ELMO1: variants seen among roughly 807,000 people sequenced by gnomAD.
ELMO1 encodes the protein engulfment and cell motility 1.
Under a neutral mutation model 98.9 loss-of-function variants are expected in ELMO1, and 26 were observed. The ratio of observed to expected loss-of-function variants is 0.26; its 90% CI spans 0.19 to 0.36. The LOEUF is 0.36. Ranked by LOEUF, ELMO1 falls within the 10% of genes least tolerant of loss-of-function variation. The pLI is 1.00. For missense variants in ELMO1, 627 were observed against 935.2 expected (o/e 0.67, Z 4.30); for synonymous variants, 346 against 346.0 (o/e 1.00, Z 0.00).
chr7:36,927,112 A>G (rs1362233842), intron 16 of ELMO1, among the ~76,000 whole-genome samples: 2 of 152,192 alleles, frequency 1.3e-5, no homozygotes, highest in East Asian at 3.9e-4. Flanking sequence ...GGTTTCATTC[A>G]TTGAATTGTC....
chr7:37,250,809 A>G (rs921357842), intron 6 of ELMO1, among the ~76,000 whole-genome samples: 3 of 151,784 alleles, frequency 2.0e-5, no homozygotes, highest in Non-Finnish European at 2.9e-5. Flanking sequence ...AAAAAAAAAA[A>G]AACCAGAAAC....
chr7:37,078,224 T>G lies in ELMO1; in HGVS notation c.1300+18395A>C, dbSNP rs558386921. Among the ~76,000 whole-genome samples the G allele has an allele frequency of 8.5e-5, 13 of 152,302 alleles. No homozygotes were observed. The East Asian group carries it at 2.5e-3, about 29-fold the overall frequency. ...TAATGCAGTCATAAAATGTTAAGTTTTAATACTGTTTTATGAAGGAAGGGA... is the reference window on the plus strand; with the variant it reads ...TAATGCAGTCATAAAATGTTAAGTTGTAATACTGTTTTATGAAGGAAGGGA... On this transcript the variant is annotated intron_variant, in intron 15 of 21. Transcript: ENST00000310758.
intron 16 of ELMO1, among the ~76,000 whole-genome samples, chr7:36,919,800 C>T (rs1784999765): frequency 6.6e-6 from 1 of 152,182 alleles, no homozygotes; most frequent in Admixed American, 6.5e-5. Flanking sequence ...GGGAGCCCTT[C>T]CTGAACCCTA....
intron 14 of ELMO1, among the ~76,000 whole-genome samples, chr7:37,110,748 T>A (rs1785207875): frequency 6.6e-6 from 1 of 152,128 alleles, no homozygotes; most frequent in Admixed American, 6.5e-5. Context: ...AAAGGGGCTA[T>A]GGGGCCCCCC....
chr7:37,028,937 C>T (rs898468893), intron 15 of ELMO1, among the ~76,000 whole-genome samples: 5 of 152,256 alleles, frequency 3.3e-5, no homozygotes, highest in African/African-American at 7.2e-5. Context: ...TATATAACAG[C>T]CACTGTTCTC....
intron 2 of ELMO1, among the ~76,000 whole-genome samples, chr7:37,331,355 T>TTTTTTTTC (rs1479168474): frequency 4.7e-5 from 5 of 105,684 alleles, no homozygotes; most frequent in African/African-American, 1.8e-4. Context: ...TTTTTTTTTT[T>TTTTTTTTC]GGAATTTTAG....
intron 4 of ELMO1, among the ~76,000 whole-genome samples, chr7:37,298,454 T>C (rs77191659): frequency 5.3e-5 from 7 of 131,666 alleles, no homozygotes; most frequent in Admixed American, 1.5e-4. Flanking sequence ...CCCTCCTCCC[T>C]CCCCCGACCC....
At chr7:36,908,630 A>G (rs1458582780) in intron 16 of ELMO1, among the ~76,000 whole-genome samples, 1 of 152,246 alleles carries the variant, frequency 6.6e-6, no homozygotes, top group African/African-American at 2.4e-5. Context: ...CCGGCTTCAA[A>G]AATAAATAAA....
At chr7:37,293,912 T>G (rs1179745210) in intron 4 of ELMO1, among the ~76,000 whole-genome samples, 1 of 151,940 alleles carries the variant, frequency 6.6e-6, no homozygotes, top group African/African-American at 2.4e-5. Flanking sequence ...TTCTTTCATA[T>G]ATATAAAATT....
intron 16 of ELMO1, among the ~76,000 whole-genome samples, chr7:36,919,880 G>A (rs1175365457): frequency 6.6e-6 from 1 of 152,150 alleles, no homozygotes; most frequent in Non-Finnish European, 1.5e-5. Flanking sequence ...ATTCATTTAA[G>A]GAACGAATCA....
intron 15 of ELMO1, among the ~76,000 whole-genome samples, chr7:37,093,480 C>A (rs1327453522): frequency 6.6e-6 from 1 of 152,160 alleles, no homozygotes; most frequent in Non-Finnish European, 1.5e-5. Flanking sequence ...TAACACAAAT[C>A]TGAGAAGTGT....
intron 8 of ELMO1, among the ~76,000 whole-genome samples, chr7:37,231,026 T>C (rs867191678): frequency 2.0e-5 from 3 of 152,240 alleles, no homozygotes; most frequent in East Asian, 1.9e-4. Context: ...CTTTCCTTTA[T>C]GGCAATTCAT....
intron 13 of ELMO1, among the ~76,000 whole-genome samples, chr7:37,186,045 C>T (rs1791183569): frequency 6.6e-6 from 1 of 152,202 alleles, no homozygotes; most frequent in Admixed American, 6.5e-5. Flanking sequence ...GGAGGACACA[C>T]ACTTTCTGAT....
chr7:37,275,060 G>A (rs534186652), intron 4 of ELMO1, among the ~76,000 whole-genome samples: 1 of 152,350 alleles, frequency 6.6e-6, no homozygotes, highest in South Asian at 2.1e-4. Context: ...CATCATGGAG[G>A]AGGATGAGAG....
At chr7:37,016,961 A>T (rs1002594151) in intron 15 of ELMO1, among the ~76,000 whole-genome samples, 4 of 152,124 alleles carry the variant, frequency 2.6e-5, no homozygotes, top group African/African-American at 9.7e-5. Flanking sequence ...CACCAACACA[A>T]ATCTGAAACA....
intron 20 of ELMO1, among the ~76,000 whole-genome samples, chr7:36,863,936 G>C (rs571879808): frequency 7.8e-4 from 118 of 152,220 alleles, no homozygotes; most frequent in African/African-American, 2.8e-3. Context: ...CATTTATTAG[G>C]AAAACTCTCT....
At chr7:37,124,592 C>A in intron 14 of ELMO1, among the ~76,000 whole-genome samples, 1 of 152,144 alleles carries the variant, frequency 6.6e-6, no homozygotes, top group East Asian at 1.9e-4. Flanking sequence ...CGTGAAGGAC[C>A]TCTTCGAGGA....
At chr7:36,882,074 G>A (rs1383358861) in intron 18 of ELMO1, among the ~76,000 whole-genome samples, 1 of 152,144 alleles carries the variant, frequency 6.6e-6, no homozygotes, top group Admixed American at 6.5e-5. Flanking sequence ...GAGACACAGG[G>A]CACAGCAAGA....
chr7:37,035,336 G>A (rs2129189365), intron 15 of ELMO1, among the ~76,000 whole-genome samples: 2 of 152,244 alleles, frequency 1.3e-5, no homozygotes, highest in South Asian at 4.1e-4. Flanking sequence ...TTTGCTTTAA[G>A]TTGTCACAGA....
Sources: gnomAD v4.1 joint callset for allele counts (sites outside exome capture counted in the v4.1 genomes callset) on GRCh38, gnomAD v4.1.1 for gene constraint, MANE v1.5 for transcripts, NCBI Gene and HGNC (gene_info 2026-07-23, HGNC 2026-07-21) for gene names.